Variants in MID1 observed in about 807,000 individuals in gnomAD.
MID1 encodes the protein midline 1.
A neutral mutation model predicts 40.4 loss-of-function variants in MID1; 7 were observed. The observed-to-expected ratio is 0.17, with a 90% CI of 0.10 to 0.33. The LOEUF is 0.33. Ranked by LOEUF, MID1 falls within the 10% of genes least tolerant of loss-of-function variation. The pLI is 1.00. For synonymous variants in MID1, 229 were observed against 221.2 expected (o/e 1.04, Z -0.31); for missense variants, 367 against 558.5 (o/e 0.66, Z 3.46).
At chrX:10,730,766 G>A (rs1161285867) in intron 1 of MID1, among the ~76,000 whole-genome samples, 1 of 109,009 alleles carries the variant, frequency 9.2e-6, no homozygotes, top group Admixed American at 9.8e-5. Flanking sequence ...AGTATAGAAG[G>A]GGTTTCACCG....
intron 1 of MID1, among the ~76,000 whole-genome samples, chrX:10,715,486 C>T (rs753894514): frequency 1.6e-4 from 18 of 111,814 alleles, no homozygotes; most frequent in East Asian, 1.4e-3. Context: ...AAGGTGGCAG[C>T]GAGGCTGGGG....
intron 3 of MID1, among the ~76,000 whole-genome samples, chrX:10,501,222 T>A (rs901666969): frequency 9.0e-6 from 1 of 111,233 alleles, no homozygotes; most frequent in African/African-American, 3.3e-5. Flanking sequence ...GGCAGGAGAA[T>A]CGCTTGAACC....
chrX:10,720,869 TA>T (rs1287463949), intron 1 of MID1, among the ~76,000 whole-genome samples: 4 of 108,972 alleles, frequency 3.7e-5, no homozygotes, highest in Non-Finnish European at 7.7e-5. Context: ...TATGCAGCCA[TA>T]AAAAATGATG....
intron 1 of MID1, among the ~76,000 whole-genome samples, chrX:10,601,447 TAA>T (rs1935517049): frequency 8.9e-6 from 1 of 112,732 alleles, no homozygotes; most frequent in Non-Finnish European, 1.9e-5. Context: ...TGTCTATAAA[TAA>T]AGTTTTTTTG....
At chrX:10,525,643 C>T (rs149573615) in intron 2 of MID1, among the ~76,000 whole-genome samples, 1,515 of 112,292 alleles carry the variant, frequency 0.013, 11 homozygotes, top group Non-Finnish European at 0.023. Context: ...GAGGTTAGGG[C>T]GTGAGGTTCT....
At chrX:10,559,371 G>C (rs780914939) in intron 2 of MID1, among the ~76,000 whole-genome samples, 1 of 112,188 alleles carries the variant, frequency 8.9e-6, no homozygotes, top group African/African-American at 3.2e-5. Flanking sequence ...GTTGGAACTG[G>C]TGAAACTCCA....
intron 1 of MID1, among the ~76,000 whole-genome samples, chrX:10,591,412 T>C (rs978584578): frequency 8.9e-6 from 1 of 112,416 alleles, no homozygotes; most frequent in Non-Finnish European, 1.9e-5. Context: ...ATCTATTCTT[T>C]CCATTCCAAA....
At chrX:10,602,044 C>T (rs1457717994) in intron 1 of MID1, among the ~76,000 whole-genome samples, 2 of 107,932 alleles carry the variant, frequency 1.9e-5, no homozygotes, top group African/African-American at 6.8e-5. Flanking sequence ...ACTACAAGTG[C>T]CCGCCACCAT....
At chrX:10,600,955 C>T (rs918734531) in intron 1 of MID1, among the ~76,000 whole-genome samples, 48 of 111,485 alleles carry the variant, frequency 4.3e-4, no homozygotes, top group Non-Finnish European at 7.3e-4. Context: ...AAATTCACAG[C>T]TTTGGCAGAC....
At position 10,463,742 on chromosome X, in the gene MID1, A is replaced by G. The variant is rs139636148; in HGVS notation, c.1286-3935T>C. Among the ~76,000 whole-genome samples, 281 of 112,414 alleles carry G rather than the reference A, an allele frequency of 2.5e-3. 1 individual carries two copies. Among genetic ancestry groups the G allele is most frequent in the African/African-American group, 8.0e-3 (247 of 30,965 alleles). Reference sequence around the variant, plus strand: ...CTCAACCATGTGAAGTTAAAACACTATCCCTTCTTACAGATGAGGAAACGG... The same window carrying G: ...CTCAACCATGTGAAGTTAAAACACTGTCCCTTCTTACAGATGAGGAAACGG... On this transcript the variant is annotated intron_variant, in intron 7 of 9. Transcript: ENST00000317552.
intron 2 of MID1, among the ~76,000 whole-genome samples, chrX:10,549,738 C>T (rs1355794408): frequency 8.8e-6 from 1 of 113,133 alleles, no homozygotes; most frequent in Non-Finnish European, 1.9e-5. Context: ...CTGAGCTGCA[C>T]CCCAGAAGAT....
rs778517248 is a variant in MID1 at position 10,446,684 on chromosome X, C to T, written c.*2684G>A. On this transcript the variant is annotated 3_prime_UTR_variant, in exon 10 of 10. Transcript: ENST00000317552. ...GCTATGTAATTTGCAAGGCCCAGTGCGAAGTGAAAACGCAGGCCCCTTGTT... is the reference window on the plus strand; with the variant it reads ...GCTATGTAATTTGCAAGGCCCAGTGTGAAGTGAAAACGCAGGCCCCTTGTT... 2 of 112,055 alleles carry T rather than the reference C, an allele frequency of 1.8e-5. No individual in the cohort carries two copies. The highest frequency in any genetic ancestry group is 3.7e-4 in the South Asian group (1 of 2,680). 9.2% of individuals were successfully genotyped at this position (112,055 alleles called of 1,213,427 possible).
At chrX:10,715,213 C>T (rs940233102) in intron 1 of MID1, among the ~76,000 whole-genome samples, 1 of 112,032 alleles carries the variant, frequency 8.9e-6, no homozygotes, top group African/African-American at 3.2e-5. Context: ...ACAGTGGGTG[C>T]AGTGCACCGA....
rs962662366 is a variant in MID1, at chrX:10,776,174, A to T, written c.-187+57380T>A. 2.4e-4 allele frequency among the ~76,000 whole-genome samples: 27 copies of T among 111,978 alleles called. No individual in the cohort carries two copies. The Admixed American group carries it at 2.6e-3, about 11-fold the overall frequency. On this transcript the variant is annotated intron_variant, in intron 1 of 10. Coordinates refer to the MID1 transcript ENST00000380785. ...GTGCCTTTTTGTCTGTTTGATCTTGATAATACCACTATTCTGTTTGATCTT... is the reference window on the plus strand; with the variant it reads ...GTGCCTTTTTGTCTGTTTGATCTTGTTAATACCACTATTCTGTTTGATCTT...
At chrX:10,600,936 A>G (rs962962816) in intron 1 of MID1, among the ~76,000 whole-genome samples, 1 of 111,543 alleles carries the variant, frequency 9.0e-6, no homozygotes, top group East Asian at 2.8e-4. Flanking sequence ...AAAAATTCCC[A>G]TGGCTTTAAA....
chrX:10,501,500 C>G, intron 3 of MID1: 1 of 1,153,323 alleles, frequency 8.7e-7, no homozygotes, highest in Non-Finnish European at 1.1e-6. Context: ...CCCACTTTCT[C>G]CTATTCCTAG....
chrX:10,531,651 A>G (rs1420815680), intron 2 of MID1, among the ~76,000 whole-genome samples: 2 of 112,579 alleles, frequency 1.8e-5, no homozygotes, highest in Non-Finnish European at 1.9e-5. Context: ...CTAACCTGGT[A>G]GTCAATAACA....
chrX:10,744,115 G>C (rs191304939), intron 1 of MID1, among the ~76,000 whole-genome samples: 73 of 111,543 alleles, frequency 6.5e-4, no homozygotes, highest in Non-Finnish European at 1.2e-3. Flanking sequence ...ATGGCCAGAG[G>C]GGGTGTGAGC....
At chrX:10,768,698 G>A (rs771391248) in intron 1 of MID1, among the ~76,000 whole-genome samples, 11 of 112,045 alleles carry the variant, frequency 9.8e-5, no homozygotes, top group Non-Finnish European at 2.1e-4. Flanking sequence ...TTTCCCCAGT[G>A]GTGAAATGGC....
Sources: allele counts gnomAD v4.1 joint callset (sites outside exome capture counted in the v4.1 genomes callset), GRCh38; gene constraint gnomAD v4.1.1; transcripts MANE v1.5; gene names NCBI Gene and HGNC (gene_info 2026-07-23, HGNC 2026-07-21).